The following MPDZ variants were observed in gnomAD, a reference collection of about 807,000 sequenced individuals.
MPDZ encodes multiple PDZ domain crumbs cell polarity complex component.
MPDZ carries 234 observed loss-of-function variants against 239.1 expected under a neutral mutation model. That is an observed-to-expected ratio of 0.98 (90% CI 0.88 to 1.09). MPDZ has a LOEUF of 1.09. Among genes scored for constraint, MPDZ ranks in the 50% least tolerant of loss-of-function variants. MPDZ has a pLI of 0.00. For missense variants in MPDZ, 3,175 were observed against 2,510.0 expected (o/e 1.26, Z -5.66); for synonymous variants, 1,048 against 881.3 (o/e 1.19, Z -3.35).
intron 1 of MPDZ, among the ~76,000 whole-genome samples, chr9:13,252,213 T>A (rs1968224447): frequency 6.6e-6 from 1 of 152,122 alleles, no homozygotes. Context: ...ATGATACTCC[T>A]TCACAAAACA....
chr9:13,255,597 T>A (rs1969242455), intron 1 of MPDZ, among the ~76,000 whole-genome samples: 2 of 152,186 alleles, frequency 1.3e-5, no homozygotes, highest in South Asian at 4.1e-4. Flanking sequence ...AAAACAACAT[T>A]CATCTCTCTT....
chr9:13,140,382 T>TTATA (rs1256354544), intron 27 of MPDZ, among the ~76,000 whole-genome samples: 29 of 144,096 alleles, frequency 2.0e-4, no homozygotes, highest in African/African-American at 7.3e-4. Flanking sequence ...GTTAAATATT[T>TTATA]TATATATATA....
Position 13,112,094 on chromosome 9 carries a change from A to G in MPDZ, c.5654T>C (p.Leu1885Pro). 1.9e-6 allele frequency: 3 copies of G among 1,613,492 alleles called. No homozygotes were observed. Among genetic ancestry groups the G allele is most frequent in the Non-Finnish European group, 2.5e-6 (3 of 1,179,516 alleles). The change falls in exon 43 of 47, where the codon CTT becomes CCT. Residue 1885 changes from leucine to proline, a missense_variant. Coordinates refer to ENST00000319217, the MANE Select transcript of MPDZ (RefSeq NM_001378778.1). ...ISIAGGVGSP[L>P]GDVPIFIAMM... ...TGCAATAAATATAGGCACATCACCA[A>G]GTGGGCTGCCTACTCCTCCAGCGAT...
rs1954701020 is a variant in MPDZ, at chr9:13,190,140, G to A, written c.2128C>T (p.Leu710Phe). 4 of 1,612,862 alleles carry A rather than the reference G, an allele frequency of 2.5e-6. No individual in the cohort carries two copies. In the East Asian group the frequency reaches 8.9e-5, roughly 36 times the overall value. The change falls in exon 16 of 47, where the codon CTT becomes TTT. Residue 710 changes from leucine (L) to phenylalanine (F), a missense_variant. Transcript: ENST00000319217. ...TGATAATCTAAAATGCTAAAACCAAGTCCTTTGCTCCCTTTCTCCAGCTCT... is the reference window on the plus strand; with the variant it reads ...TGATAATCTAAAATGCTAAAACCAAATCCTTTGCTCCCTTTCTCCAGCTCT... ...HIELEKGSKG[L>F]GFSILDYQDP... is the part of the protein sequence containing the mutation.
At chr9:13,116,591 G>A (rs960844239) in intron 39 of MPDZ, among the ~76,000 whole-genome samples, 1 of 152,012 alleles carries the variant, frequency 6.6e-6, no homozygotes, top group Admixed American at 6.6e-5. Context: ...AACTCTTCTT[G>A]AAACTATTTA....
intron 19 of MPDZ, among the ~76,000 whole-genome samples, chr9:13,177,224 A>T (rs1369088350): frequency 6.6e-6 from 1 of 152,030 alleles, no homozygotes; most frequent in Non-Finnish European, 1.5e-5. Flanking sequence ...TAAACATATC[A>T]GTTTTCCCTT....
At chr9:13,126,643 C>T (rs1401950021) in intron 33 of MPDZ, 37 bp downstream of exon 33, 3 of 1,609,766 alleles carry the variant, frequency 1.9e-6, no homozygotes, top group Admixed American at 1.7e-5. Flanking sequence ...AATTCCCTCC[C>T]CAACTACTTA....
At chr9:13,198,123 T>C (rs1311577713) in intron 12 of MPDZ, among the ~76,000 whole-genome samples, 1 of 152,150 alleles carries the variant, frequency 6.6e-6, no homozygotes, top group Non-Finnish European at 1.5e-5. Flanking sequence ...AGAGTAGGAC[T>C]GCTGGATCAT....
Position 13,107,067 on chromosome 9 carries a change from G to T in MPDZ, c.6111C>A (p.Ile2037=). The change falls in exon 47 of 47, where the codon ATC becomes ATA. Residue 2037 remains isoleucine (I), a synonymous_variant. Coordinates refer to ENST00000319217, the MANE Select transcript of MPDZ (RefSeq NM_001378778.1). Reference sequence around the variant, plus strand: ...CTAGACTCTGCCCATTGACAGCAATGATCTGATCGCCCCTTTTCAGACGTC... The same window carrying T: ...CTAGACTCTGCCCATTGACAGCAATTATCTGATCGCCCCTTTTCAGACGTC... The part of the protein sequence containing the change: ...EDGRLKRGDQ[I]IAVNGQSLEG... The T allele has an allele frequency of 6.2e-7, 1 of 1,601,478 alleles. No individual in the cohort carries two copies. The highest frequency in any genetic ancestry group is 1.1e-5 in the South Asian group (1 of 89,956).
intron 28 of MPDZ, 134 bp from the exon 29 acceptor site, chr9:13,138,287 T>A (rs1458321415): frequency 2.0e-6 from 2 of 992,694 alleles, no homozygotes; most frequent in African/African-American, 3.3e-5. Flanking sequence ...AGTTAAAAGC[T>A]AAATAGACTA....
At chr9:13,117,504 C>A (rs1456407337) in intron 39 of MPDZ, among the ~76,000 whole-genome samples, 1 of 148,350 alleles carries the variant, frequency 6.7e-6, no homozygotes, top group Admixed American at 6.7e-5. Context: ...GCACTCCAGC[C>A]TGGGCAACAG....
At chr9:13,235,921 G>A (rs1274319141) in intron 3 of MPDZ, among the ~76,000 whole-genome samples, 1 of 151,938 alleles carries the variant, frequency 6.6e-6, no homozygotes, top group African/African-American at 2.4e-5. Flanking sequence ...GGTGTACCTG[G>A]ATGATCAATA....
At chr9:13,258,989 G>C (rs988259218) in intron 1 of MPDZ, among the ~76,000 whole-genome samples, 2 of 151,888 alleles carry the variant, frequency 1.3e-5, no homozygotes, top group Admixed American at 6.6e-5. Context: ...GGAGACCGAG[G>C]CAGGAGAATC....
At chr9:13,242,348 C>T (rs1463983618) in intron 3 of MPDZ, among the ~76,000 whole-genome samples, 2 of 151,088 alleles carry the variant, frequency 1.3e-5, no homozygotes, top group Non-Finnish European at 2.9e-5. Flanking sequence ...GCCTCAGCCT[C>T]CCCAGTAGCT....
intron 12 of MPDZ, among the ~76,000 whole-genome samples, chr9:13,201,606 CTT>C (rs908523229): frequency 6.6e-6 from 1 of 151,932 alleles, no homozygotes; most frequent in Non-Finnish European, 1.5e-5. Context: ...CTCCTTCACT[CTT>C]TTAAATTCTT....
At chr9:13,237,354 G>A (rs545490112) in intron 3 of MPDZ, among the ~76,000 whole-genome samples, 4 of 149,782 alleles carry the variant, frequency 2.7e-5, no homozygotes, top group East Asian at 2.0e-4. Context: ...GGAGGGTCAC[G>A]GGAGCCCAAG....
chr9:13,188,249 G>A lies in MPDZ; in HGVS notation c.2364+535C>T, dbSNP rs138625208. ...ATAAAATGTTAAGGCTGGGCGTGGT[G>A]GCTCACACCTGTATTCCTAGCACTT... On this transcript the variant is annotated intron_variant, in intron 17 of 46. Transcript: ENST00000319217. 5.1e-3 allele frequency among the ~76,000 whole-genome samples: 782 copies of A among 152,206 alleles called. 5 individuals carry two copies. Among genetic ancestry groups the A allele is most frequent in the Middle Eastern group, 0.034 (10 of 294 alleles).
rs1366163635 is a variant in MPDZ at position 13,156,921 on chromosome 9, C to G, written c.3452+1097G>C. 2.0e-5 allele frequency among the ~76,000 whole-genome samples: 3 copies of G among 152,196 alleles called. No homozygotes were observed. The East Asian group carries it at 5.8e-4, about 29-fold the overall frequency. ...TACCCTGTTCTCAATGTAGGCAGCA[C>G]TATAGAGAGCTTGGGATTTTTTAAG... On this transcript the variant is annotated intron_variant, in intron 24 of 46. Transcript: ENST00000319217.
intron 21 of MPDZ, among the ~76,000 whole-genome samples, chr9:13,172,635 C>T (rs1951935582): frequency 6.6e-6 from 1 of 152,106 alleles, no homozygotes; most frequent in Non-Finnish European, 1.5e-5. Context: ...GATCCACTCG[C>T]CTTAGCCTCC....
Sources: gnomAD v4.1 joint callset for allele counts (sites outside exome capture counted in the v4.1 genomes callset) on GRCh38, gnomAD v4.1.1 for gene constraint, MANE v1.5 for transcripts, NCBI Gene and HGNC (gene_info 2026-07-23, HGNC 2026-07-21) for gene names.